SELENBP1: variants seen among roughly 807,000 people sequenced by gnomAD.
SELENBP1 encodes the protein selenium binding protein 1, also known as methanethiol oxidase.
SELENBP1 carries 71 observed loss-of-function variants against 61.0 expected under a neutral mutation model. The ratio of observed to expected loss-of-function variants is 1.16; its 90% CI spans 0.96 to 1.42. The LOEUF is 1.42. Ranked by LOEUF, SELENBP1 falls within the 40% of genes most tolerant of loss-of-function variation. The pLI, the probability that SELENBP1 is intolerant of heterozygous loss-of-function variation, is 0.00. For synonymous variants in SELENBP1, 270 were observed against 238.9 expected, an observed-to-expected ratio of 1.13 and a Z score of -1.20; for missense variants, 561 against 605.0, an observed-to-expected ratio of 0.93 and a Z score of 0.76.
chr1:151,365,774 T>C lies in SELENBP1; in HGVS notation c.916A>G (p.Met306Val), dbSNP rs753773876. Residue 306 changes from methionine (M) to valine (V), a missense_variant, in exon 8 of 12, where the codon ATG becomes GTG. Coordinates refer to ENST00000368868, the MANE Select transcript of SELENBP1 (RefSeq NM_003944.4). Reference protein sequence around the residue: ...KKVKGWLLPEMPGLITDILLS... With the variant: ...KKVKGWLLPEVPGLITDILLS... ...CTATGCCCTAGGCACTCACCTGGCATTTCGGGCAGCAGCCAGCCCTTCACT... is the reference window on the plus strand; with the variant it reads ...CTATGCCCTAGGCACTCACCTGGCACTTCGGGCAGCAGCCAGCCCTTCACT... 1 of 1,614,116 alleles carries C rather than the reference T, an allele frequency of 6.2e-7. No homozygotes were observed. Among genetic ancestry groups the C allele is most frequent in the Non-Finnish European group, 8.5e-7 (1 of 1,180,014 alleles).
Position 151,364,595 on chromosome 1 carries a change from G to A in SELENBP1, c.1367C>T (p.Ala456Val). ...GCCCCCAGGGTAGCGGAGCTCATGG[G>A]CAAGGGCTGGGCCAAGGGGCTCCTT... ...FGKEPLGPAL[A>V]HELRYPGGDC... Residue 456 changes from alanine (A) to valine (V), a missense_variant, in exon 12 of 12, where the codon GCC becomes GTC. Transcript: ENST00000368868. The A allele has an allele frequency of 6.2e-7, 1 of 1,614,070 alleles. No homozygotes were observed. Among genetic ancestry groups the A allele is most frequent in the Non-Finnish European group, 8.5e-7 (1 of 1,179,976 alleles).
chr1:151,369,950 T>G (rs1652063957), intron 1 of SELENBP1, 181 bp from the exon 2 acceptor site: 5 of 1,497,946 alleles, frequency 3.3e-6, no homozygotes, highest in Admixed American at 2.1e-5. Context: ...AGGGTGAGGT[T>G]GTGCTGGGAA....
At position 151,366,911 on chromosome 1, in the gene SELENBP1, A is replaced by G. The variant is rs1419568432; in HGVS notation, c.482-7T>C. On this transcript the variant is annotated splice_region_variant and splice_polypyrimidine_tract_variant and intron_variant, in intron 5 of 11. Coordinates refer to ENST00000368868, the MANE Select transcript of SELENBP1 (RefSeq NM_003944.4). The stretch of plus-strand genomic sequence containing the variant: ...TCCAGCAGCACAAAACCCCCTGAAC[A>G]GGGAAGGAAGCAGGGTGGCAGGTAG... The G allele has an allele frequency of 1.9e-6, 3 of 1,612,782 alleles. No individual in the cohort carries two copies. The highest frequency in any genetic ancestry group is 2.5e-6 in the Non-Finnish European group (3 of 1,179,072).
At chr1:151,368,882 G>C in intron 4 of SELENBP1, 122 bp downstream of exon 4, 1 of 1,040,170 alleles carries the variant, frequency 9.6e-7, no homozygotes. Flanking sequence ...CCTCCCTGCT[G>C]CCGAGCCAGT....
chr1:151,368,541 C>T (rs551919029), intron 4 of SELENBP1, among the ~76,000 whole-genome samples: 3 of 152,334 alleles, frequency 2.0e-5, no homozygotes, highest in Admixed American at 6.5e-5. Flanking sequence ...AGGCAGAAAG[C>T]GCTGACCTTT....
rs770257092 is a variant in SELENBP1 at position 151,364,615 on chromosome 1, C to T, written c.1347G>A (p.Glu449=). 9.3e-6 allele frequency: 15 copies of T among 1,613,672 alleles called. No individual in the cohort carries two copies. The highest frequency in any genetic ancestry group is 4.5e-5 in the East Asian group (2 of 44,880). ...NPNFLVDFGK[E]PLGPALAHEL... Reference sequence around the variant, plus strand: ...CATGGGCAAGGGCTGGGCCAAGGGGCTCCTTCCCGAAGTCCACCAGGAAGT... The same window carrying T: ...CATGGGCAAGGGCTGGGCCAAGGGGTTCCTTCCCGAAGTCCACCAGGAAGT... The change falls in exon 12 of 12, where the codon GAG becomes GAA. Residue 449 remains glutamate, a synonymous_variant. Transcript: ENST00000368868.
chr1:151,372,502 C>T, intron 1 of SELENBP1, 136 bp downstream of exon 1: 1 of 1,112,690 alleles, frequency 9.0e-7, no homozygotes, highest in Non-Finnish European at 1.4e-6. Context: ...GGTGTGCAGA[C>T]TGGGGACAAT....
At chr1:151,367,092 C>T (rs990143962) in intron 5 of SELENBP1, 188 bp from the exon 6 acceptor site, 38 of 1,393,060 alleles carry the variant, frequency 2.7e-5, no homozygotes, top group Non-Finnish European at 3.1e-5. Flanking sequence ...CCAGTAATCC[C>T]AGCCCTTTGA....
At chr1:151,366,511 C>T in intron 6 of SELENBP1, 58 bp from the exon 7 acceptor site, 3 of 1,572,576 alleles carry the variant, frequency 1.9e-6, no homozygotes, top group Non-Finnish European at 2.6e-6. Flanking sequence ...AAGGCATGGG[C>T]AAAGACTGGG....
At chr1:151,367,896 A>T (rs547380564) in intron 5 of SELENBP1, among the ~76,000 whole-genome samples, 1 of 152,158 alleles carries the variant, frequency 6.6e-6, no homozygotes, top group African/African-American at 2.4e-5. Flanking sequence ...GGAACTCCTG[A>T]GCTCAAGCGA....
chr1:151,365,723 G>A (rs747409205), intron 8 of SELENBP1, 39 bp from the exon 9 acceptor site: 6 of 1,613,992 alleles, frequency 3.7e-6, no homozygotes, highest in Admixed American at 1.7e-5. Flanking sequence ...AAGGACTCTT[G>A]TTTCCCAGGC....
intron 7 of SELENBP1, 30 bp downstream of exon 7, chr1:151,366,245 G>C (rs1651806639): frequency 6.2e-7 from 1 of 1,601,068 alleles, no homozygotes; most frequent in African/African-American, 1.3e-5. Flanking sequence ...CAAGACTACT[G>C]GGAGGGGAGG....
In SELENBP1 at chr1:151,372,625, C is replaced by G; in HGVS notation, c.4+13G>C. 1 of 1,614,160 alleles carries G rather than the reference C, an allele frequency of 6.2e-7. No individual in the cohort carries two copies. Among genetic ancestry groups the G allele is most frequent in the Non-Finnish European group, 8.5e-7 (1 of 1,180,024 alleles). Reference sequence around the variant, plus strand: ...AGAGCAGGCAATGGGTGATTGGAAACCCCTCTCCTTACCCATGCTGCCGAC... The same window carrying G: ...AGAGCAGGCAATGGGTGATTGGAAAGCCCTCTCCTTACCCATGCTGCCGAC... On this transcript the variant is annotated intron_variant, in intron 1 of 11. Transcript: ENST00000368868.
intron 10 of SELENBP1, 29 bp from the exon 11 acceptor site, chr1:151,365,073 G>T (rs759476648): frequency 6.3e-7 from 1 of 1,596,324 alleles, no homozygotes; most frequent in Non-Finnish European, 8.5e-7. Context: ...CAGAGCCCAG[G>T]GTAACACACA....
At position 151,366,320 on chromosome 1, in the gene SELENBP1, C is replaced by T. The variant is rs778056159; in HGVS notation, c.798G>A (p.Val266=). 6.2e-7 allele frequency: 1 copy of T among 1,614,126 alleles called. No individual in the cohort carries two copies. Among genetic ancestry groups the T allele is most frequent in the Non-Finnish European group, 8.5e-7 (1 of 1,180,010 alleles). The change falls in exon 7 of 12, where the codon GTG becomes GTA. Residue 266 remains valine, a synonymous_variant. Coordinates refer to ENST00000368868, the MANE Select transcript of SELENBP1 (RefSeq NM_003944.4). ...GGATGGTGGAGCTGAGTGCGCAGCC[C>T]ACAAAGCCTTGGGCAGCGTCTGGGT... is the stretch of plus-strand genomic sequence containing the variant. ...LHNPDAAQGF[V]GCALSSTIQR...
rs996143801 is a variant in SELENBP1 at position 151,372,573 on chromosome 1, G to A, written c.4+65C>T. 1.9e-6 allele frequency: 3 copies of A among 1,608,106 alleles called. No individual in the cohort carries two copies. In the African/African-American group the frequency reaches 4.0e-5, roughly 21 times the overall value. On this transcript the variant is annotated intron_variant, in intron 1 of 11. Transcript: ENST00000368868. ...CTCAGGTTTTCTAGCATTTTCTGGA[G>A]GAGGGCCTTCCAAATTAGGGGCAGA...
At chr1:151,370,070 G>A (rs986385669) in intron 1 of SELENBP1, 14 of 1,295,708 alleles carry the variant, frequency 1.1e-5, no homozygotes, top group Non-Finnish European at 1.4e-5. Context: ...ATATGACACG[G>A]ACTCGGGGCC....
rs764207061 is a variant in SELENBP1 at position 151,365,599 on chromosome 1, G to T, written c.1008C>A (p.Asp336Glu). 2 of 1,614,160 alleles carry T rather than the reference G, an allele frequency of 1.2e-6. No homozygotes were observed. Among genetic ancestry groups the T allele is most frequent in the Non-Finnish European group, 1.7e-6 (2 of 1,180,028 alleles). ...GGCGGGGTCTCTGTGGGTCAGAGAT[G>T]TCATACTGCCTCAGGTCCCCATGCA... is the stretch of plus-strand genomic sequence containing the variant. ...NWLHGDLRQY[D>E]ISDPQRPRLT... is the part of the protein sequence containing the mutation. Residue 336 changes from aspartate (D) to glutamate (E), a missense_variant, in exon 9 of 12, where the codon GAC becomes GAA. Physicochemically the swap from Asp to Glu is conservative, Grantham distance 45. Transcript: ENST00000368868.
At chr1:151,370,540 G>T (rs1277331219) in intron 1 of SELENBP1, among the ~76,000 whole-genome samples, 2 of 152,172 alleles carry the variant, frequency 1.3e-5, no homozygotes, top group Non-Finnish European at 2.9e-5. Context: ...GAGCCCAGAG[G>T]CCTGCCCACC....
Sources: gnomAD v4.1 joint callset for allele counts (sites outside exome capture counted in the v4.1 genomes callset) on GRCh38, gnomAD v4.1.1 for gene constraint, MANE v1.5 for transcripts, NCBI Gene and HGNC (gene_info 2026-07-23, HGNC 2026-07-21) for gene names.